The following HLTF variants were observed in gnomAD, a reference collection of about 807,000 sequenced individuals.
HLTF encodes DNA-dependent ATPase/E3 ubiquitin-protein ligase HLTF.
HLTF carries 127 observed loss-of-function variants against 129.4 expected under a neutral mutation model. The observed-to-expected ratio is 0.98, with a 90% CI of 0.85 to 1.14. The LOEUF (loss-of-function observed/expected upper bound fraction) is 1.14. HLTF is among the 50% of genes most tolerant of loss of function. The probability of loss-of-function intolerance (pLI) is 0.00; values close to 1 mark genes in which losing one functional copy is unlikely to be tolerated. For synonymous variants in HLTF, 332 were observed against 388.8 expected, an observed-to-expected ratio of 0.85 and a Z score of 1.72; for missense variants, 1,139 against 1,187.1, an observed-to-expected ratio of 0.96 and a Z score of 0.60.
intron 4 of HLTF, 146 bp from the exon 5 acceptor site, chr3:149,073,468 T>C: frequency 1.7e-6 from 1 of 598,422 alleles, no homozygotes; most frequent in Non-Finnish European, 3.0e-6. Flanking sequence ...CCAAGGCAGG[T>C]GGTTTGCCTG....
intron 15 of HLTF, among the ~76,000 whole-genome samples, chr3:149,049,424 T>C (rs556486610): frequency 6.2e-4 from 95 of 152,324 alleles, no homozygotes; most frequent in African/African-American, 2.2e-3. Flanking sequence ...GTAATATTTT[T>C]ACTAGAAGAC....
In HLTF at chr3:149,039,154, A is replaced by G. The variant is rs756831793; in HGVS notation, c.2691T>C (p.Phe897=). 1.2e-6 allele frequency: 2 copies of G among 1,612,550 alleles called. No homozygotes were observed. Among genetic ancestry groups the G allele is most frequent in the Middle Eastern group, 1.7e-4 (1 of 6,056 alleles). Residue 897 remains phenylalanine (F), a synonymous_variant, in exon 23 of 25, where the codon TTT becomes TTC. Coordinates refer to ENST00000310053, the MANE Select transcript of HLTF (RefSeq NM_003071.4). ...QKKRVESIQC[F]QNTEAGSPTI... ...TTGGAGATCCTGCTTCAGTGTTTTG[A>G]AAACACTGAATTGATTCAACTCTTT... is the stretch of plus-strand genomic sequence containing the variant.
At chr3:149,059,374 A>G (rs971539865) in intron 13 of HLTF, 4 of 416,666 alleles carry the variant, frequency 9.6e-6, no homozygotes, top group Non-Finnish European at 1.4e-5. Context: ...AAATTCTAAT[A>G]CCAAAAAATT....
chr3:149,052,129 G>C (rs1018336783), intron 14 of HLTF: 1 of 148,130 alleles, frequency 6.8e-6, no homozygotes, highest in African/African-American at 2.5e-5. Context: ...ACTCCAGCCT[G>C]GGCGACAGAG....
intron 13 of HLTF, among the ~76,000 whole-genome samples, chr3:149,058,877 G>A (rs528537787): frequency 8.5e-5 from 13 of 152,268 alleles, no homozygotes; most frequent in African/African-American, 2.4e-4. Context: ...TTTCTAATGT[G>A]TAATTTAATT....
intron 16 of HLTF, among the ~76,000 whole-genome samples, chr3:149,048,520 G>A (rs919483557): frequency 1.2e-4 from 18 of 152,146 alleles, no homozygotes; most frequent in Non-Finnish European, 2.1e-4. Context: ...TTACCTTCTA[G>A]TAAAGGTACT....
At chr3:149,074,587 T>C (rs1489033928) in intron 3 of HLTF, among the ~76,000 whole-genome samples, 1 of 152,118 alleles carries the variant, frequency 6.6e-6, no homozygotes, top group Non-Finnish European at 1.5e-5. Context: ...TAAAGCAGTT[T>C]TAAAAATGCA....
chr3:149,049,327 T>C (rs1716801134), intron 15 of HLTF, among the ~76,000 whole-genome samples: 1 of 152,192 alleles, frequency 6.6e-6, no homozygotes, highest in Non-Finnish European at 1.5e-5. Context: ...TGAACTGTTC[T>C]ACCTCGGATT....
chr3:149,041,950 G>GTATC lies in HLTF; in HGVS notation c.2197+212_2197+215dup, dbSNP rs1212634362. 7 of 585,096 alleles carry GTATC rather than the reference G, an allele frequency of 1.2e-5. No individual in the cohort carries two copies. In the East Asian group the frequency reaches 2.0e-4, roughly 16 times the overall value. The allele number at this position is 585,096 out of a possible 1,614,324, so 36.2% of individuals were successfully genotyped here. A position where few individuals can be genotyped will look rare whatever the true frequency, so the allele number is the denominator to read the frequency against. On this transcript the variant is annotated intron_variant, in intron 19 of 24. Coordinates refer to ENST00000310053, the MANE Select transcript of HLTF (RefSeq NM_003071.4). ...TCCAATATGAATCTTTCATCAAAGG[G>GTATC]TATCTATCACCGGAATTCCTGGAAA...
intron 10 of HLTF, 61 bp downstream of exon 10, chr3:149,063,370 T>C (rs1718108656): frequency 4.3e-6 from 5 of 1,153,402 alleles, no homozygotes; most frequent in South Asian, 1.2e-5. Flanking sequence ...TCTATCTCTT[T>C]TACACATAAG....
intron 5 of HLTF, among the ~76,000 whole-genome samples, chr3:149,072,732 A>G (rs1054303712): frequency 6.6e-6 from 1 of 152,228 alleles, no homozygotes; most frequent in East Asian, 1.9e-4. Flanking sequence ...AGATACAAAC[A>G]TCAAAAAAGT....
chr3:149,080,176 G>A (rs962068831), intron 2 of HLTF, among the ~76,000 whole-genome samples: 13 of 152,282 alleles, frequency 8.5e-5, no homozygotes, highest in African/African-American at 2.6e-4. Context: ...ATTCATGGTT[G>A]CCAGGGACTG....
At chr3:149,060,589 G>T in intron 12 of HLTF, 54 bp downstream of exon 12, 1 of 1,347,490 alleles carries the variant, frequency 7.4e-7, no homozygotes, top group Non-Finnish European at 1.0e-6. Context: ...AATCAATGGA[G>T]CTGTACTTTA....
chr3:149,036,951 T>C (rs1319555570), intron 23 of HLTF, among the ~76,000 whole-genome samples: 1 of 152,208 alleles, frequency 6.6e-6, no homozygotes, highest in African/African-American at 2.4e-5. Context: ...ACACGTTTAG[T>C]CTCTGATCAA....
At chr3:149,061,842 A>G (rs1189730293) in intron 10 of HLTF, among the ~76,000 whole-genome samples, 1 of 151,888 alleles carries the variant, frequency 6.6e-6, no homozygotes, top group Non-Finnish European at 1.5e-5. Flanking sequence ...GTCTCAAAAA[A>G]AAAAAAAAAG....
At chr3:149,081,040 T>A (rs1553745104) in intron 2 of HLTF, among the ~76,000 whole-genome samples, 1 of 152,180 alleles carries the variant, frequency 6.6e-6, no homozygotes, top group Non-Finnish European at 1.5e-5. Context: ...TATATATGCT[T>A]AAATACACAA....
chr3:149,037,271 C>A (rs926403064), intron 23 of HLTF, among the ~76,000 whole-genome samples: 1 of 151,862 alleles, frequency 6.6e-6, no homozygotes, highest in African/African-American at 2.4e-5. Flanking sequence ...GAGTTCAAGA[C>A]CAGCCTGGCC....
Position 149,074,341 on chromosome 3 carries a change from G to T in HLTF, c.403C>A (p.Pro135Thr), listed in dbSNP as rs753463193. 5 of 1,609,126 alleles carry T rather than the reference G, an allele frequency of 3.1e-6. No individual in the cohort carries two copies. In the South Asian group the frequency reaches 5.5e-5, roughly 18 times the overall value. The change falls in exon 4 of 25, where the codon CCT (proline) becomes ACT (threonine). Residue 135 changes from proline to threonine, a missense_variant. Coordinates refer to ENST00000310053, the MANE Select transcript of HLTF (RefSeq NM_003071.4). ...NKLAQIEGVV[P>T]FGANNAFTMP... ...GTAAAAGCATTGTTTGCACCAAAAGGAACTACCCTATTATATTTGGGAGAA... is the reference window on the plus strand; with the variant it reads ...GTAAAAGCATTGTTTGCACCAAAAGTAACTACCCTATTATATTTGGGAGAA...
intron 8 of HLTF, among the ~76,000 whole-genome samples, chr3:149,066,580 GCCATTTCA>G: frequency 6.7e-6 from 1 of 149,786 alleles, no homozygotes; most frequent in Non-Finnish European, 1.5e-5. Context: ...ATCTTCAGCT[GCCATTTCA>G]ATTAATGTAG....
Sources: allele counts gnomAD v4.1 joint callset (sites outside exome capture counted in the v4.1 genomes callset), GRCh38; gene constraint gnomAD v4.1.1; transcripts MANE v1.5; gene names NCBI Gene and HGNC (gene_info 2026-07-23, HGNC 2026-07-21).